Variants in AGBL1 observed in about 807,000 individuals in gnomAD.
AGBL1 encodes cytosolic carboxypeptidase 4.
A neutral mutation model predicts 118.9 loss-of-function variants in AGBL1; 130 were observed. That is an observed-to-expected ratio of 1.09 (90% CI 0.95 to 1.26). The LOEUF (loss-of-function observed/expected upper bound fraction) is 1.26, where lower values mean the gene tolerates loss of function less well. Among genes scored for constraint, AGBL1 ranks in the 50% most tolerant of loss-of-function variants. The probability of loss-of-function intolerance (pLI) is 0.00; values close to 1 mark genes in which losing one functional copy is unlikely to be tolerated. For missense variants in AGBL1, 1,584 were observed against 1,298.1 expected (o/e 1.22, Z -3.38); for synonymous variants, 555 against 478.9 (o/e 1.16, Z -2.08).
At chr15:86,488,550 C>T (rs1282097513) in intron 18 of AGBL1, among the ~76,000 whole-genome samples, 2 of 151,956 alleles carry the variant, frequency 1.3e-5, no homozygotes, top group Non-Finnish European at 2.9e-5. Context: ...ACAAAGGCAG[C>T]CCTCCAATCC....
intron 5 of AGBL1, among the ~76,000 whole-genome samples, chr15:86,189,579 G>A (rs1253235082): frequency 6.6e-6 from 1 of 152,086 alleles, no homozygotes; most frequent in Admixed American, 6.6e-5. Flanking sequence ...GTTCCCATGA[G>A]AGCTGGTTGT....
chr15:86,667,556 A>T (rs1180337498), intron 21 of AGBL1, among the ~76,000 whole-genome samples: 6 of 152,110 alleles, frequency 3.9e-5, no homozygotes, highest in Non-Finnish European at 7.4e-5. Context: ...AATTTCAGTT[A>T]TTTATAGGGA....
At chr15:86,522,380 T>C (rs939144623) in intron 18 of AGBL1, among the ~76,000 whole-genome samples, 2 of 152,226 alleles carry the variant, frequency 1.3e-5, no homozygotes, top group African/African-American at 2.4e-5. Context: ...GGTGTTCTAA[T>C]GTCTACCTTG....
At chr15:86,273,758 A>G (rs189777149) in intron 15 of AGBL1, among the ~76,000 whole-genome samples, 1 of 152,136 alleles carries the variant, frequency 6.6e-6, no homozygotes, top group Non-Finnish European at 1.5e-5. Flanking sequence ...AAAGTCCCAG[A>G]TTTGGTGCCA....
intron 2 of AGBL1, 65 bp from the exon 3 acceptor site, chr15:86,143,634 T>A (rs565351258): frequency 2.6e-4 from 412 of 1,573,380 alleles, no homozygotes; most frequent in Non-Finnish European, 3.4e-4. Flanking sequence ...GGGAGGTCTG[T>A]CTTCTGCTCC....
chr15:86,336,015 G>T (rs187630250), intron 17 of AGBL1, among the ~76,000 whole-genome samples: 1 of 152,330 alleles, frequency 6.6e-6, no homozygotes, highest in Admixed American at 6.5e-5. Context: ...GTGCTGTATT[G>T]TGAAGGTGTT....
At chr15:86,333,442 A>T (rs1469995287) in intron 17 of AGBL1, among the ~76,000 whole-genome samples, 1 of 152,216 alleles carries the variant, frequency 6.6e-6, no homozygotes, top group Non-Finnish European at 1.5e-5. Flanking sequence ...AAAAAATTGG[A>T]TAAATTCCTG....
At chr15:86,289,131 C>T (rs1195083894) in intron 16 of AGBL1, among the ~76,000 whole-genome samples, 2 of 151,964 alleles carry the variant, frequency 1.3e-5, no homozygotes, top group African/African-American at 4.8e-5. Context: ...CCTTTCTCTC[C>T]TTTAAAAGTG....
chr15:86,957,331 G>T (rs1011439203), intron 23 of AGBL1, among the ~76,000 whole-genome samples: 2 of 151,904 alleles, frequency 1.3e-5, no homozygotes, highest in African/African-American at 4.8e-5. Flanking sequence ...TGTAGTGAGG[G>T]GCCTAGCCAC....
chr15:86,661,362 A>T (rs1465309009), intron 21 of AGBL1, among the ~76,000 whole-genome samples: 3 of 152,030 alleles, frequency 2.0e-5, no homozygotes, highest in Admixed American at 6.6e-5. Context: ...ACCTTCAAGA[A>T]TTCAGACCAT....
At chr15:86,630,543 A>C (rs1457861698) in intron 21 of AGBL1, 1 of 152,232 alleles carries the variant, frequency 6.6e-6, no homozygotes, top group African/African-American at 2.4e-5. Context: ...TTGTGTTAAA[A>C]AGCAGATTGT....
chr15:86,431,486 C>T (rs2142039414), intron 18 of AGBL1, among the ~76,000 whole-genome samples: 1 of 152,258 alleles, frequency 6.6e-6, no homozygotes, highest in East Asian at 1.9e-4. Context: ...TTTGGAGTAT[C>T]CCAACCTTTG....
At chr15:86,928,542 T>C (rs377218302) in intron 23 of AGBL1, among the ~76,000 whole-genome samples, 2 of 152,194 alleles carry the variant, frequency 1.3e-5, no homozygotes, top group African/African-American at 4.8e-5. Flanking sequence ...TCCACTGCAC[T>C]ATCACGTGCT....
At chr15:86,545,460 G>C (rs1157158792) in intron 19 of AGBL1, among the ~76,000 whole-genome samples, 1 of 151,990 alleles carries the variant, frequency 6.6e-6, no homozygotes, top group African/African-American at 2.4e-5. Flanking sequence ...AGGTAAACTT[G>C]TGTCATGGAG....
At chr15:86,125,107 T>C (rs1338172837) in intron 1 of AGBL1, among the ~76,000 whole-genome samples, 1 of 152,184 alleles carries the variant, frequency 6.6e-6, no homozygotes, top group Non-Finnish European at 1.5e-5. Flanking sequence ...TTTTCAGTCA[T>C]GGTGAATGTG....
chr15:86,389,756 C>A (rs1340144486), intron 17 of AGBL1, among the ~76,000 whole-genome samples: 1 of 151,228 alleles, frequency 6.6e-6, no homozygotes, highest in Non-Finnish European at 1.5e-5. Flanking sequence ...GAGGTAACTG[C>A]TGAAAAAGAA....
intron 21 of AGBL1, among the ~76,000 whole-genome samples, chr15:86,662,128 A>G (rs947925761): frequency 3.9e-5 from 6 of 152,228 alleles, no homozygotes; most frequent in Non-Finnish European, 8.8e-5. Flanking sequence ...TTTCAGCTGG[A>G]AAAAGAGAAG....
At chr15:86,977,581 C>T (rs2081188083) in intron 23 of AGBL1, among the ~76,000 whole-genome samples, 1 of 151,712 alleles carries the variant, frequency 6.6e-6, no homozygotes, top group South Asian at 2.1e-4. Context: ...TATTCCTAAG[C>T]ATTACATTTC....
chr15:86,837,756 GGTT>G (rs2079188800), intron 22 of AGBL1, among the ~76,000 whole-genome samples: 1 of 152,298 alleles, frequency 6.6e-6, no homozygotes, highest in Non-Finnish European at 1.5e-5. Flanking sequence ...TCCTCAAAAT[GGTT>G]TTGGATTAGA....
Sources: allele counts gnomAD v4.1 joint callset (sites outside exome capture counted in the v4.1 genomes callset), GRCh38; gene constraint gnomAD v4.1.1; transcripts MANE v1.5; gene names NCBI Gene and HGNC (gene_info 2026-07-23, HGNC 2026-07-21).